NXN: variants seen among roughly 807,000 people sequenced by gnomAD.
The protein encoded by NXN is nucleoredoxin, also known as nucleoredoxin 1.
A neutral mutation model predicts 48.6 loss-of-function variants in NXN; 16 were observed. The observed-to-expected ratio is 0.33, with a 90% confidence interval of 0.22 to 0.50. The LOEUF (loss-of-function observed/expected upper bound fraction) is 0.50. Among genes scored for constraint, NXN ranks in the 20% least tolerant of loss-of-function variants. The pLI is 0.98. For missense variants in NXN, 492 were observed against 605.5 expected, an observed-to-expected ratio of 0.81 and a Z score of 1.97; for synonymous variants, 281 against 269.6, an observed-to-expected ratio of 1.04 and a Z score of -0.41.
At chr17:843,949 A>G (rs1418689585) in intron 1 of NXN, among the ~76,000 whole-genome samples, 4 of 152,248 alleles carry the variant, frequency 2.6e-5, no homozygotes, top group Non-Finnish European at 4.4e-5. Flanking sequence ...AAGGAGGCAT[A>G]GGAATGAGGA....
intron 1 of NXN, among the ~76,000 whole-genome samples, chr17:859,966 A>G (rs1597670566): frequency 6.6e-6 from 1 of 152,256 alleles, no homozygotes; most frequent in Middle Eastern, 3.4e-3. Context: ...GTAAGCATCA[A>G]GCAAAGGGCC....
intron 1 of NXN, among the ~76,000 whole-genome samples, chr17:885,546 T>C (rs1431118543): frequency 1.3e-5 from 2 of 151,878 alleles, no homozygotes; most frequent in East Asian, 1.9e-4. Context: ...ATGTCTAGTC[T>C]TTCATTTCTC....
Position 818,218 on chromosome 17 carries a change from G to A in NXN, c.820+1221C>T, listed in dbSNP as rs111910230. Among the ~76,000 whole-genome samples the A allele has an allele frequency of 3.9e-5, 6 of 152,034 alleles. 2 individuals are homozygous for A. The highest frequency in any genetic ancestry group is 1.4e-4 in the African/African-American group (6 of 41,466). On this transcript the variant is annotated intron_variant, in intron 5 of 7. Transcript: ENST00000336868. The stretch of plus-strand genomic sequence containing the variant: ...AGAGGTTGTGGTGAGCCGAGATCAC[G>A]CCACTGCACTCCAGCCTGGGCGACA...
At chr17:889,749 A>T (rs1243106411) in intron 1 of NXN, among the ~76,000 whole-genome samples, 1 of 29,512 alleles carries the variant, frequency 3.4e-5, no homozygotes, top group Non-Finnish European at 8.1e-5. Context: ...GAAAGAAAGA[A>T]AGAAAGAAAG....
chr17:876,267 G>GAAA (rs1462491750), intron 1 of NXN, among the ~76,000 whole-genome samples: 1 of 151,856 alleles, frequency 6.6e-6, no homozygotes, highest in South Asian at 2.1e-4. Context: ...GAAAAGAAAA[G>GAAA]AAAGGAAATG....
intron 1 of NXN, among the ~76,000 whole-genome samples, chr17:928,109 G>C (rs918987280): frequency 2.0e-5 from 3 of 152,082 alleles, no homozygotes; most frequent in South Asian, 2.1e-4. Context: ...GAATGCAGAC[G>C]AAGGTGTTTT....
intron 1 of NXN, among the ~76,000 whole-genome samples, chr17:868,045 C>T (rs2068111056): frequency 2.0e-5 from 3 of 152,154 alleles, no homozygotes; most frequent in African/African-American, 4.8e-5. Context: ...ACAGCAGGGA[C>T]ATGTGTTGTG....
intron 1 of NXN, chr17:842,514 A>AT (rs1224832228): frequency 1.6e-5 from 16 of 985,424 alleles, no homozygotes; most frequent in Non-Finnish European, 1.9e-5. Context: ...CGCGTCTCAC[A>AT]TGCAACCCAC....
chr17:824,223 A>C (rs1158383139), intron 2 of NXN, among the ~76,000 whole-genome samples: 1 of 148,600 alleles, frequency 6.7e-6, no homozygotes, highest in Non-Finnish European at 1.5e-5. Context: ...TTTTCTATTT[A>C]TTTTTAGTAG....
chr17:892,105 A>G (rs1283842577), intron 1 of NXN, among the ~76,000 whole-genome samples: 3 of 148,778 alleles, frequency 2.0e-5, no homozygotes, highest in African/African-American at 7.5e-5. Context: ...TAACCCCACC[A>G]TGCACAACCC....
At chr17:872,080 A>G (rs2068160326) in intron 1 of NXN, among the ~76,000 whole-genome samples, 1 of 152,196 alleles carries the variant, frequency 6.6e-6, no homozygotes, top group Admixed American at 6.5e-5. Flanking sequence ...CTGAAGCCAT[A>G]AATGGAAGAA....
intron 1 of NXN, among the ~76,000 whole-genome samples, chr17:874,667 C>T (rs1322009740): frequency 1.4e-5 from 2 of 147,464 alleles, no homozygotes; most frequent in African/African-American, 5.1e-5. Context: ...AGGCACAAGC[C>T]TGGATCACAA....
intron 1 of NXN, among the ~76,000 whole-genome samples, chr17:861,986 T>C (rs1451548107): frequency 1.3e-5 from 2 of 151,976 alleles, no homozygotes; most frequent in African/African-American, 2.4e-5. Context: ...TGAACCACCA[T>C]ACTTGGCTAA....
At chr17:834,266 G>A (rs1372617012) in intron 1 of NXN, among the ~76,000 whole-genome samples, 1 of 152,184 alleles carries the variant, frequency 6.6e-6, no homozygotes, top group South Asian at 2.1e-4. Context: ...AGGCTACGAT[G>A]AGCTGTGATC....
chr17:833,130 A>G (rs1469133051), intron 1 of NXN, among the ~76,000 whole-genome samples: 1 of 151,890 alleles, frequency 6.6e-6, no homozygotes, highest in Non-Finnish European at 1.5e-5. Flanking sequence ...TGACCTCGTG[A>G]TCCGCCCACC....
rs755336225 is a variant in NXN, at chr17:979,697, G to C, written c.-19C>G. 1 of 1,398,186 alleles carries C rather than the reference G, an allele frequency of 7.2e-7. No homozygotes were observed. Among genetic ancestry groups the C allele is most frequent in the Admixed American group, 2.8e-5 (1 of 36,360 alleles). 86.6% of individuals were successfully genotyped at this position (1,398,186 alleles called of 1,614,324 possible). On this transcript the variant is annotated 5_prime_UTR_variant, in exon 1 of 8. Coordinates refer to ENST00000336868, the MANE Select transcript of NXN (RefSeq NM_022463.5). The stretch of plus-strand genomic sequence containing the variant: ...CCGACATCCTGGCCCACCGCAGGGC[G>C]GGCAGGCGGCTGCGACCCCGCTCCA...
At chr17:970,355 C>T (rs1193355996) in intron 1 of NXN, among the ~76,000 whole-genome samples, 8 of 151,826 alleles carry the variant, frequency 5.3e-5, no homozygotes, top group African/African-American at 1.9e-4. Context: ...GAACAAAAAG[C>T]ACTACAGCAG....
chr17:814,142 A>C (rs1254875130), intron 5 of NXN, among the ~76,000 whole-genome samples: 1 of 151,846 alleles, frequency 6.6e-6, no homozygotes, highest in South Asian at 2.1e-4. Context: ...GGTGCCTATA[A>C]TCCCAGCTAC....
At chr17:826,210 C>A in intron 1 of NXN, 132 bp from the exon 2 acceptor site, 1 of 735,508 alleles carries the variant, frequency 1.4e-6, no homozygotes. Context: ...ATAATGGATG[C>A]CAAGCAGGGC....
Sources: gnomAD v4.1 joint callset for allele counts (sites outside exome capture counted in the v4.1 genomes callset) on GRCh38, gnomAD v4.1.1 for gene constraint, MANE v1.5 for transcripts, NCBI Gene and HGNC (gene_info 2026-07-23, HGNC 2026-07-21) for gene names.